SERPINB8: variants seen among roughly 807,000 people sequenced by gnomAD.
SERPINB8 encodes the protein serpin family B member 8.
Under a neutral mutation model 35.3 loss-of-function variants are expected in SERPINB8, and 25 were observed. That is an observed-to-expected ratio of 0.71 (90% CI 0.52 to 0.99). The LOEUF is 0.99. SERPINB8 is among the 50% of genes least tolerant of loss of function. SERPINB8 has a pLI of 0.00. For synonymous variants in SERPINB8, 186 were observed against 160.8 expected (o/e 1.16, Z -1.19); for missense variants, 484 against 446.5 (o/e 1.08, Z -0.76).
At chr18:64,003,076 T>C (rs989805474) in intron 1 of SERPINB8, among the ~76,000 whole-genome samples, 1 of 152,208 alleles carries the variant, frequency 6.6e-6, no homozygotes, top group African/African-American at 2.4e-5. Flanking sequence ...TACTGACACC[T>C]GGCCTCAGTC....
In SERPINB8 at chr18:64,002,634, C is replaced by A. The variant is rs556584773; in HGVS notation, c.71-2185C>A. ...GTGCGCTCAAGCCAGCCCTGGGTCC[C>A]CCGCGGGGCCCTCGCGTGCGGTCAC... On this transcript the variant is annotated intron_variant, in intron 1 of 1. Coordinates refer to the SERPINB8 transcript ENST00000493661. Among the ~76,000 whole-genome samples the A allele has an allele frequency of 5.3e-5, 8 of 152,282 alleles. No individual in the cohort carries two copies. In the South Asian group the frequency reaches 1.4e-3, roughly 28 times the overall value.
Position 63,985,106 on chromosome 18 carries a change from T to C in SERPINB8, c.581T>C (p.Val194Ala), listed in dbSNP as rs775528187. 16 of 1,614,054 alleles carry C rather than the reference T, an allele frequency of 9.9e-6. No individual in the cohort carries two copies. Among genetic ancestry groups the C allele is most frequent in the Middle Eastern group, 3.3e-4 (2 of 6,084 alleles). The stretch of plus-strand genomic sequence containing the variant: ...TTTTTCCGTTAGGAAAAAAAGACAG[T>C]GCAGATGATGTTTAAGGAAGCTAAG... Reference protein sequence around the residue: ...LFKTNEEKKTVQMMFKEAKFK... With the variant: ...LFKTNEEKKTAQMMFKEAKFK... The change falls in exon 6 of 7, where the codon GTG becomes GCG. Residue 194 changes from valine to alanine, a missense_variant. Coordinates refer to ENST00000397985, the MANE Select transcript of SERPINB8 (RefSeq NM_002640.4).
chr18:63,977,817 GA>G, intron 1 of SERPINB8, among the ~76,000 whole-genome samples: 1 of 152,274 alleles, frequency 6.6e-6, no homozygotes, highest in African/African-American at 2.4e-5. Context: ...GCTGAAAAAT[GA>G]CACACATTTA....
chr18:64,004,903 G>A (rs550830850), exon 2 of SERPINB8: 7 of 398,420 alleles, frequency 1.8e-5, no homozygotes, highest in African/African-American at 2.1e-5. Flanking sequence ...ACATCAGACG[G>A]CATTGAATTG....
At position 63,979,874 on chromosome 18, in the gene SERPINB8, G is replaced by A. The variant is rs140664480; in HGVS notation, c.242G>A (p.Gly81Asp). Reference sequence around the variant, plus strand: ...CTTCTCAGTGAAGTTAACAGAACTGGCACTCAGTACTTGCTTAGAACTGCC... The same window carrying A: ...CTTCTCAGTGAAGTTAACAGAACTGACACTCAGTACTTGCTTAGAACTGCC... Reference protein sequence around the residue: ...QSLLSEVNRTGTQYLLRTANR... With the variant: ...QSLLSEVNRTDTQYLLRTANR... Residue 81 changes from glycine to aspartate, a missense_variant, in exon 3 of 7, where the codon GGC becomes GAC. Coordinates refer to ENST00000397985, the MANE Select transcript of SERPINB8 (RefSeq NM_002640.4). 1.2e-5 allele frequency: 19 copies of A among 1,613,848 alleles called. No homozygotes were observed. The African/African-American group carries it at 1.6e-4, about 14-fold the overall frequency.
At chr18:64,013,515 C>G (rs1013472414) in intron 7 of SERPINB8, among the ~76,000 whole-genome samples, 4 of 152,184 alleles carry the variant, frequency 2.6e-5, no homozygotes, top group African/African-American at 9.7e-5. Flanking sequence ...TCTAATTTCA[C>G]ATGCCAACAG....
intron 1 of SERPINB8, among the ~76,000 whole-genome samples, chr18:64,001,678 G>A (rs943100224): frequency 4.6e-5 from 7 of 152,034 alleles, no homozygotes; most frequent in African/African-American, 1.5e-4. Flanking sequence ...GTAGAGACAG[G>A]GTTTAATCAC....
downstream of SERPINB8, among the ~76,000 whole-genome samples, chr18:64,006,945 CA>C (rs2144846433): frequency 6.6e-6 from 1 of 151,618 alleles, no homozygotes; most frequent in East Asian, 1.9e-4. Context: ...AGAATAAACC[CA>C]AATGACTCAG....
At chr18:64,018,703 G>A (rs368874886) in intron 7 of SERPINB8, among the ~76,000 whole-genome samples, 43 of 152,230 alleles carry the variant, frequency 2.8e-4, no homozygotes, top group Admixed American at 7.8e-4. Flanking sequence ...TGGAAACAAA[G>A]GGAATACAGG....
chr18:64,010,786 TA>T (rs1037243344), intron 7 of SERPINB8, among the ~76,000 whole-genome samples: 1 of 151,954 alleles, frequency 6.6e-6, no homozygotes, highest in Non-Finnish European at 1.5e-5. Context: ...GGCAAAGGCA[TA>T]AAAAATAATT....
At chr18:63,980,304 C>T (rs868228839) in intron 3 of SERPINB8, among the ~76,000 whole-genome samples, 5 of 152,134 alleles carry the variant, frequency 3.3e-5, no homozygotes, top group South Asian at 2.1e-4. Flanking sequence ...TAAATTTGCC[C>T]GCCCTCTTCT....
Position 63,987,059 on chromosome 18 carries a change from G to A in SERPINB8, c.906G>A (p.Met302Ile), listed in dbSNP as rs1165905947. The A allele has an allele frequency of 6.2e-7, 1 of 1,614,098 alleles. No individual in the cohort carries two copies. The highest frequency in any genetic ancestry group is 8.5e-7 in the Non-Finnish European group (1 of 1,180,046). The part of the protein sequence containing the change: ...FDEAKADFSG[M>I]STEKNVPLSK... ...AAGCCAAGGCAGACTTTTCTGGAAT[G>A]TCAACTGAGAAGAATGTGCCTCTGT... The change falls in exon 7 of 7, where the codon ATG becomes ATA. Residue 302 changes from methionine (M) to isoleucine (I), a missense_variant. Transcript: ENST00000397985.
intron 1 of SERPINB8, among the ~76,000 whole-genome samples, chr18:64,004,534 A>G (rs1332184403): frequency 6.6e-6 from 1 of 152,168 alleles, no homozygotes; most frequent in African/African-American, 2.4e-5. Flanking sequence ...CTATTTATAA[A>G]CTGTGATATT....
downstream of SERPINB8, among the ~76,000 whole-genome samples, chr18:64,006,213 A>G (rs1038696072): frequency 3.3e-5 from 5 of 152,202 alleles, no homozygotes; most frequent in Non-Finnish European, 5.9e-5. Flanking sequence ...TAGAGGCAAG[A>G]AGAAACCTAT....
At chr18:64,018,126 CT>C (rs1174563889) in intron 7 of SERPINB8, among the ~76,000 whole-genome samples, 1 of 152,112 alleles carries the variant, frequency 6.6e-6, no homozygotes, top group Non-Finnish European at 1.5e-5. Flanking sequence ...CAAATGACAA[CT>C]TTTTTATTTT....
intron 7 of SERPINB8, among the ~76,000 whole-genome samples, chr18:64,016,469 T>G (rs1318119134): frequency 6.6e-6 from 1 of 152,218 alleles, no homozygotes; most frequent in East Asian, 1.9e-4. Context: ...TTTTTGTTTT[T>G]GTTTAGGTAG....
chr18:63,978,390 G>C lies in SERPINB8; in HGVS notation c.82G>C (p.Val28Leu). 1 of 1,614,188 alleles carries C rather than the reference G, an allele frequency of 6.2e-7. No individual in the cohort carries two copies. Among genetic ancestry groups the C allele is most frequent in the South Asian group, 1.1e-5 (1 of 91,080 alleles). ...ILGEEDNSRN[V>L]FFSPMSISSA... Reference sequence around the variant, plus strand: ...GGGGGAAGAGGACAACTCAAGAAACGTATTCTTCTCTCCCATGAGCATCTC... The same window carrying C: ...GGGGGAAGAGGACAACTCAAGAAACCTATTCTTCTCTCCCATGAGCATCTC... Residue 28 changes from valine (V) to leucine (L), a missense_variant, in exon 2 of 7, where the codon GTA (valine) becomes CTA (leucine). Val to Leu is a conservative substitution (Grantham distance 32). Transcript: ENST00000397985.
chr18:63,998,551 A>G (rs1269993953), intron 1 of SERPINB8, among the ~76,000 whole-genome samples: 1 of 152,202 alleles, frequency 6.6e-6, no homozygotes, highest in Non-Finnish European at 1.5e-5. Context: ...TTGGGGTCTC[A>G]CTGCGGCAAT....
At chr18:63,971,113 C>A (rs904089759) in intron 1 of SERPINB8, among the ~76,000 whole-genome samples, 1 of 152,126 alleles carries the variant, frequency 6.6e-6, no homozygotes, top group Non-Finnish European at 1.5e-5. Context: ...AGACTCGTCT[C>A]CCCAGTTCTC....
Sources: allele counts gnomAD v4.1 joint callset (sites outside exome capture counted in the v4.1 genomes callset), GRCh38; gene constraint gnomAD v4.1.1; transcripts MANE v1.5; gene names NCBI Gene and HGNC (gene_info 2026-07-23, HGNC 2026-07-21).